Variants in IL1RAPL1 observed in about 807,000 individuals in gnomAD.
The protein encoded by IL1RAPL1 is interleukin 1 receptor accessory protein like 1.
Under a neutral mutation model 48.4 loss-of-function variants are expected in IL1RAPL1, and 3 were observed. The observed-to-expected ratio is 0.06, with a 90% CI of 0.03 to 0.16. IL1RAPL1 has a LOEUF of 0.16. IL1RAPL1 is among the 10% of genes least tolerant of loss of function. The pLI is 1.00. For missense variants in IL1RAPL1, 349 were observed against 530.6 expected (o/e 0.66, Z 3.36); for synonymous variants, 185 against 187.7 (o/e 0.99, Z 0.12).
At chrX:29,655,820 ATAAAG>A (rs1925662611) in intron 5 of IL1RAPL1, among the ~76,000 whole-genome samples, 1 of 111,353 alleles carries the variant, frequency 9.0e-6, no homozygotes, top group African/African-American at 3.3e-5. Context: ...ACAGTTTTAA[ATAAAG>A]TAACGTAACC....
intron 6 of IL1RAPL1, among the ~76,000 whole-genome samples, chrX:29,699,611 A>G (rs1415795916): frequency 8.9e-6 from 1 of 112,030 alleles, no homozygotes; most frequent in African/African-American, 3.2e-5. Context: ...AGAAATTCCA[A>G]ATTTTCCCAG....
chrX:29,147,113 G>A (rs780953223), intron 2 of IL1RAPL1, among the ~76,000 whole-genome samples: 4 of 112,439 alleles, frequency 3.6e-5, no homozygotes, highest in African/African-American at 6.5e-5. Context: ...AGTTCCAGCA[G>A]TTCCTTCCCA....
chrX:29,676,212 G>A (rs968611597), intron 6 of IL1RAPL1, among the ~76,000 whole-genome samples: 1 of 111,705 alleles, frequency 9.0e-6, no homozygotes, highest in Non-Finnish European at 1.9e-5. Flanking sequence ...GTATTTGATC[G>A]GATAATGCAT....
chrX:29,795,418 T>G (rs990008244), intron 6 of IL1RAPL1, among the ~76,000 whole-genome samples: 1 of 111,654 alleles, frequency 9.0e-6, no homozygotes, highest in Non-Finnish European at 1.9e-5. Context: ...CTTCCAACAT[T>G]TTTTGTTTTT....
chrX:28,726,378 C>T lies in IL1RAPL1; in HGVS notation c.-24-62942C>T, dbSNP rs750396526. Among the ~76,000 whole-genome samples the T allele has an allele frequency of 8.9e-5, 10 of 112,228 alleles. No individual in the cohort carries two copies. The East Asian group carries it at 1.4e-3, about 16-fold the overall frequency. ...CTACTTGATTATTAACAACATTGCACGCAAGTGTTAATACAGCTCATTTGC... is the reference window on the plus strand; with the variant it reads ...CTACTTGATTATTAACAACATTGCATGCAAGTGTTAATACAGCTCATTTGC... On this transcript the variant is annotated intron_variant, in intron 1 of 10. Transcript: ENST00000378993.
rs202245896 is a variant in IL1RAPL1, at chrX:29,575,433, GGTGTAT to G, written c.704-92994_704-92989del. Among the ~76,000 whole-genome samples, 566 of 111,317 alleles carry G rather than the reference GGTGTAT, an allele frequency of 5.1e-3. 5 individuals are homozygous for G. Among genetic ancestry groups the G allele is most frequent in the African/African-American group, 0.018 (548 of 30,555 alleles). On this transcript the variant is annotated intron_variant, in intron 5 of 10. Transcript: ENST00000378993. The stretch of plus-strand genomic sequence containing the variant: ...GGCTGACAGCCCCCAGCAAATCACT[GGTGTAT>G]GTCCAAGAGCCCAAAGGCCAAAGAA...
At chrX:29,193,649 T>C (rs1327313934) in intron 2 of IL1RAPL1, among the ~76,000 whole-genome samples, 3 of 110,961 alleles carry the variant, frequency 2.7e-5, no homozygotes, top group African/African-American at 6.5e-5. Flanking sequence ...GATAAAAATG[T>C]AGAACAAGGG....
At chrX:29,383,090 C>T (rs1933732304) in intron 3 of IL1RAPL1, among the ~76,000 whole-genome samples, 1 of 112,107 alleles carries the variant, frequency 8.9e-6, no homozygotes, top group Admixed American at 9.5e-5. Flanking sequence ...AACACTGAGC[C>T]TGAGAAGATG....
chrX:29,005,900 A>T (rs761447585), intron 2 of IL1RAPL1, among the ~76,000 whole-genome samples: 31 of 112,129 alleles, frequency 2.8e-4, no homozygotes, highest in Middle Eastern at 4.6e-3. Flanking sequence ...AAAGACTATA[A>T]TCTACCAAAT....
At chrX:29,528,708 C>T (rs1296660198) in intron 5 of IL1RAPL1, among the ~76,000 whole-genome samples, 1 of 111,897 alleles carries the variant, frequency 8.9e-6, no homozygotes, top group Non-Finnish European at 1.9e-5. Flanking sequence ...CCAGGATACG[C>T]TCCTTTTTTA....
At chrX:29,285,249 A>G (rs964678592) in intron 3 of IL1RAPL1, among the ~76,000 whole-genome samples, 1 of 110,485 alleles carries the variant, frequency 9.1e-6, no homozygotes, top group African/African-American at 3.3e-5. Flanking sequence ...TGCCTCTGGA[A>G]GGGCTGGGCA....
chrX:29,483,388 C>T (rs1333315048), intron 5 of IL1RAPL1, among the ~76,000 whole-genome samples: 1 of 111,363 alleles, frequency 9.0e-6, no homozygotes, highest in Non-Finnish European at 1.9e-5. Flanking sequence ...GTATGGTACC[C>T]AGGTAGCCCG....
At chrX:29,343,046 G>A (rs939721962) in intron 3 of IL1RAPL1, among the ~76,000 whole-genome samples, 6 of 111,976 alleles carry the variant, frequency 5.4e-5, no homozygotes, top group African/African-American at 1.9e-4. Context: ...AGTGCCTAGT[G>A]GAGATGACAA....
chrX:29,044,875 CATTT>C (rs1926921228), intron 2 of IL1RAPL1, among the ~76,000 whole-genome samples: 1 of 110,504 alleles, frequency 9.0e-6, no homozygotes, highest in East Asian at 2.8e-4. Context: ...TTAGCTAGTA[CATTT>C]ATTATTTTTC....
intron 2 of IL1RAPL1, among the ~76,000 whole-genome samples, chrX:29,275,969 AT>A (rs1932112731): frequency 8.9e-6 from 1 of 112,574 alleles, no homozygotes; most frequent in African/African-American, 3.2e-5. Context: ...GAAAAGTGTA[AT>A]TCTGTTCTTT....
rs778463019 is a variant in IL1RAPL1 at position 29,424,323 on chromosome X, A to C, written c.703+25015A>C. Reference sequence around the variant, plus strand: ...AGAGTAAACAAGGCTGGAAAGAAAAAAAAAAAAAGCAGATGTAGGGAAGTG... The same window carrying C: ...AGAGTAAACAAGGCTGGAAAGAAAACAAAAAAAAGCAGATGTAGGGAAGTG... On this transcript the variant is annotated intron_variant, in intron 5 of 10. Coordinates refer to ENST00000378993, the MANE Select transcript of IL1RAPL1 (RefSeq NM_014271.4). Among the ~76,000 whole-genome samples the C allele has an allele frequency of 4.5e-5, 5 of 110,115 alleles. No homozygotes were observed. In the East Asian group the frequency reaches 1.1e-3, roughly 25 times the overall value.
chrX:29,836,188 C>CTTTTTT (rs201175211), intron 6 of IL1RAPL1, among the ~76,000 whole-genome samples: 56 of 89,169 alleles, frequency 6.3e-4, no homozygotes, highest in African/African-American at 2.0e-3. Flanking sequence ...TTTCATTTTT[C>CTTTTTT]TTTTTTTTTT....
At chrX:28,726,498 G>C (rs1440062448) in intron 1 of IL1RAPL1, among the ~76,000 whole-genome samples, 1 of 112,114 alleles carries the variant, frequency 8.9e-6, no homozygotes, top group African/African-American at 3.2e-5. Context: ...TGACTGTTGT[G>C]TGGGGATTGT....
chrX:28,831,054 G>C (rs1229753457), intron 2 of IL1RAPL1, among the ~76,000 whole-genome samples: 50 of 90,843 alleles, frequency 5.5e-4, no homozygotes, highest in African/African-American at 1.4e-3. Context: ...GTGTGTGTGT[G>C]TGTGTGTGTG....
Sources: gnomAD v4.1 joint callset for allele counts (sites outside exome capture counted in the v4.1 genomes callset) on GRCh38, gnomAD v4.1.1 for gene constraint, MANE v1.5 for transcripts, NCBI Gene and HGNC (gene_info 2026-07-23, HGNC 2026-07-21) for gene names.